The following PCDHB7 variants were observed in gnomAD, a reference collection of about 807,000 sequenced individuals.
The protein encoded by PCDHB7 is protocadherin beta-7.
For missense variants in PCDHB7, 1,148 were observed against 1,011.6 expected (o/e 1.13, Z -1.83); for synonymous variants, 542 against 463.1 (o/e 1.17, Z -2.19).
In PCDHB7 at chr5:141,173,975, G is replaced by C. The variant is rs915706989; in HGVS notation, c.1140G>C (p.Lys380Asn). 6.2e-7 allele frequency: 1 copy of C among 1,614,050 alleles called. No individual in the cohort carries two copies. The highest frequency in any genetic ancestry group is 1.1e-5 in the South Asian group (1 of 91,078). Residue 380 changes from lysine (K) to asparagine (N), a missense_variant, in exon 1 of 1, where the codon AAG (lysine) becomes AAC (asparagine). Transcript: ENST00000231137. ...IRDRDSGNNG[K>N]TVCSIQDDVP... The stretch of plus-strand genomic sequence containing the variant: ...ACAGAGATTCCGGGAACAATGGAAA[G>C]ACAGTGTGCTCCATCCAGGACGATG...
Position 141,174,810 on chromosome 5 carries a change from C to A in PCDHB7, c.1975C>A (p.His659Asn). 2 of 1,611,822 alleles carry A rather than the reference C, an allele frequency of 1.2e-6. No homozygotes were observed. Among genetic ancestry groups the A allele is most frequent in the Non-Finnish European group, 1.7e-6 (2 of 1,179,686 alleles). Residue 659 changes from histidine (H) to asparagine (N), a missense_variant, in exon 1 of 1, where the codon CAC (histidine) becomes AAC (asparagine). Coordinates refer to ENST00000231137, the MANE Select transcript of PCDHB7 (RefSeq NM_018940.4). ...TCCGCGCTCGGCCACCGCCACGCTG[C>A]ACGTGCTCCTGGTGGACGGCTTCTC... ...EPPRSATATL[H>N]VLLVDGFSQP...
At position 141,175,149 on chromosome 5, in the gene PCDHB7, C is replaced by A. The variant is rs782482240; in HGVS notation, c.2314C>A (p.Leu772Met). 1.2e-6 allele frequency: 2 copies of A among 1,614,208 alleles called. No individual in the cohort carries two copies. The highest frequency in any genetic ancestry group is 2.2e-5 in the South Asian group (2 of 91,078). ...FKFLKPIIPN[L>M]LPQSTGREVE... ...GTTTCTGAAACCAATTATCCCCAACCTGCTACCCCAGAGCACAGGCAGGGA... is the reference window on the plus strand; with the variant it reads ...GTTTCTGAAACCAATTATCCCCAACATGCTACCCCAGAGCACAGGCAGGGA... The change falls in exon 1 of 1, where the codon CTG becomes ATG. Residue 772 changes from leucine to methionine, a missense_variant. Transcript: ENST00000231137.
Position 141,175,907 on chromosome 5 carries a change from AAAT to A in PCDHB7, c.*697_*699del, listed in dbSNP as rs1285187827. ...GCTGTCCAATCTTTTCTATATTTAG[AAAT>A]AATAATGTACATATTTATCTATGGT... On this transcript the variant is annotated 3_prime_UTR_variant, in exon 1 of 1. Coordinates refer to ENST00000231137, the MANE Select transcript of PCDHB7 (RefSeq NM_018940.4). 4.2e-5 allele frequency: 7 copies of A among 167,138 alleles called. No individual in the cohort carries two copies. The highest frequency in any genetic ancestry group is 3.8e-4 in the East Asian group (2 of 5,208). 10.4% of individuals were successfully genotyped at this position (167,138 alleles called of 1,614,324 possible).
Position 141,174,056 on chromosome 5 carries a change from AC to A in PCDHB7, c.1223del (p.Pro408LeufsTer24), listed in dbSNP as rs2149652849. ...ACTTCTATACTCTGGTAACAGAGAA[AC>A]CTTTGGATCGAGAGAGGAACACTGA... ...ENFYTLVTEK[P>X]LDRERNTEYN... On this transcript the variant is annotated frameshift_variant, in exon 1 of 1. Transcript: ENST00000231137. LOFTEE classifies it low-confidence loss of function (END_TRUNC). 6.2e-7 allele frequency: 1 copy of A among 1,614,042 alleles called. No individual in the cohort carries two copies. The highest frequency in any genetic ancestry group is 2.2e-5 in the East Asian group (1 of 44,868).
At position 141,175,886 on chromosome 5, in the gene PCDHB7, T is replaced by A. The variant is rs1488245066; in HGVS notation, c.*669T>A. Reference sequence around the variant, plus strand: ...GTCTTTTATCATATTTATACTGCTGTCCAATCTTTTCTATATTTAGAAATA... The same window carrying A: ...GTCTTTTATCATATTTATACTGCTGACCAATCTTTTCTATATTTAGAAATA... On this transcript the variant is annotated 3_prime_UTR_variant, in exon 1 of 1. Coordinates refer to ENST00000231137, the MANE Select transcript of PCDHB7 (RefSeq NM_018940.4). 6.0e-6 allele frequency: 1 copy of A among 167,208 alleles called. No individual in the cohort carries two copies. The highest frequency in any genetic ancestry group is 1.9e-4 in the East Asian group (1 of 5,208). The allele number at this position is 167,208 out of a possible 1,614,324, so 10.4% of individuals were successfully genotyped here.
rs200942040 is a variant in PCDHB7, at chr5:141,174,285, G to A, written c.1450G>A (p.Ala484Thr). The change falls in exon 1 of 1, where the codon GCC (alanine) becomes ACC (threonine). Residue 484 changes from alanine to threonine, a missense_variant. Transcript: ENST00000231137. Reference sequence around the variant, plus strand: ...CACAGACAGAGACTCGGGCACCAACGCCCAGGTCATCTACTCCCTGCTGCC... The same window carrying A: ...CACAGACAGAGACTCGGGCACCAACACCCAGGTCATCTACTCCCTGCTGCC... Reference protein sequence around the residue: ...SATDRDSGTNAQVIYSLLPSQ... With the variant: ...SATDRDSGTNTQVIYSLLPSQ... 134 of 1,612,414 alleles carry A rather than the reference G, an allele frequency of 8.3e-5. No homozygotes were observed. In the East Asian group the frequency reaches 2.5e-3, roughly 30 times the overall value.
chr5:141,174,069 G>A lies in PCDHB7; in HGVS notation c.1234G>A (p.Glu412Lys). ...GGTAACAGAGAAACCTTTGGATCGA[G>A]AGAGGAACACTGAGTACAACATCAC... ...TLVTEKPLDRERNTEYNITIT... is the reference protein window; with the variant it reads ...TLVTEKPLDRKRNTEYNITIT... The change falls in exon 1 of 1, where the codon GAG becomes AAG. Residue 412 changes from glutamate (E) to lysine (K), a missense_variant. Transcript: ENST00000231137. The A allele has an allele frequency of 6.2e-7, 1 of 1,614,060 alleles. No individual in the cohort carries two copies. The highest frequency in any genetic ancestry group is 2.2e-5 in the East Asian group (1 of 44,870).
In PCDHB7 at chr5:141,175,352, A is replaced by G; in HGVS notation, c.*135A>G. On this transcript the variant is annotated 3_prime_UTR_variant, in exon 1 of 1. Transcript: ENST00000231137. ...AGTCAAGCAATAAATTTCTATACATAAAATAGGATCCTGATTTAGTATCAA... is the reference window on the plus strand; with the variant it reads ...AGTCAAGCAATAAATTTCTATACATGAAATAGGATCCTGATTTAGTATCAA... 1.0e-6 allele frequency: 1 copy of G among 1,002,022 alleles called. No homozygotes were observed. The allele number at this position is 1,002,022 out of a possible 1,614,324, so 62.1% of individuals were successfully genotyped here.
Position 141,173,394 on chromosome 5 carries a change from G to T in PCDHB7, c.559G>T (p.Glu187Ter), listed in dbSNP as rs17096946. ...CCATATTAATGTCCATGATAGCGGG[G>T]AGGGGAATATCTATCCCGAATTGGT... Reference protein sequence around the residue: ...YFHINVHDSGEGNIYPELVLN... With the variant: ...YFHINVHDSG The change falls in exon 1 of 1, where the codon GAG becomes TAG. Residue 187 changes from glutamate to a stop codon, truncating the protein, a stop_gained. Transcript: ENST00000231137. LOFTEE classifies it low-confidence loss of function (END_TRUNC). 1.2e-6 allele frequency: 2 copies of T among 1,614,050 alleles called. No homozygotes were observed. Among genetic ancestry groups the T allele is most frequent in the South Asian group, 2.2e-5 (2 of 91,078 alleles).
rs781966719 is a variant in PCDHB7 at position 141,174,280 on chromosome 5, C to T, written c.1445C>T (p.Thr482Ile). The part of the protein sequence containing the change: ...SVSATDRDSG[T>I]NAQVIYSLLP... ...AGCGCCACAGACAGAGACTCGGGCA[C>T]CAACGCCCAGGTCATCTACTCCCTG... The change falls in exon 1 of 1, where the codon ACC becomes ATC. Residue 482 changes from threonine (T) to isoleucine (I), a missense_variant. By Grantham distance (89) the Thr-to-Ile change is moderately conservative. Transcript: ENST00000231137. 2 of 1,612,516 alleles carry T rather than the reference C, an allele frequency of 1.2e-6. No individual in the cohort carries two copies. The highest frequency in any genetic ancestry group is 1.7e-6 in the Non-Finnish European group (2 of 1,179,612).
At position 141,175,443 on chromosome 5, in the gene PCDHB7, A is replaced by G. The variant is rs1753358423; in HGVS notation, c.*226A>G. The G allele has an allele frequency of 1.7e-6, 1 of 590,868 alleles. No homozygotes were observed. Among genetic ancestry groups the G allele is most frequent in the Non-Finnish European group, 2.8e-6 (1 of 351,530 alleles). 36.6% of individuals were successfully genotyped at this position (590,868 alleles called of 1,614,324 possible). On this transcript the variant is annotated 3_prime_UTR_variant, in exon 1 of 1. Coordinates refer to ENST00000231137, the MANE Select transcript of PCDHB7 (RefSeq NM_018940.4). ...TATGTCAAACAATTATGCTTAATAT[A>G]CAGTCTATTAAATGTAAGTCTTGTT...
Position 141,173,999 on chromosome 5 carries a change from T to C in PCDHB7, c.1164T>C (p.Asp388=). The C allele has an allele frequency of 6.2e-7, 1 of 1,614,128 alleles. No homozygotes were observed. The highest frequency in any genetic ancestry group is 8.5e-7 in the Non-Finnish European group (1 of 1,180,024). ...NGKTVCSIQD[D]VPFILKPSVE... The stretch of plus-strand genomic sequence containing the variant: ...AGACAGTGTGCTCCATCCAGGACGA[T>C]GTCCCCTTCATCCTGAAGCCATCTG... The change falls in exon 1 of 1, where the codon GAT becomes GAC. Residue 388 remains aspartate (D), a synonymous_variant. Transcript: ENST00000231137.
rs782509782 is a variant in PCDHB7 at position 141,173,162 on chromosome 5, A to G, written c.327A>G (p.Leu109=). The change falls in exon 1 of 1, where the codon TTA becomes TTG. Residue 109 remains leucine (L), a synonymous_variant. Transcript: ENST00000231137. ...REPCVLPFQL[L]LEKPFQIFRA... ...CCTGTGTGCTGCCTTTCCAGTTGTT[A>G]TTGGAAAAACCTTTTCAGATTTTCC... 2.5e-6 allele frequency: 4 copies of G among 1,613,858 alleles called. No individual in the cohort carries two copies. In the South Asian group the frequency reaches 3.3e-5, roughly 13 times the overall value.
In PCDHB7 at chr5:141,174,358, C is replaced by T; in HGVS notation, c.1523C>T (p.Ala508Val). 1.4e-5 allele frequency: 22 copies of T among 1,612,826 alleles called. No individual in the cohort carries two copies. The highest frequency in any genetic ancestry group is 1.9e-5 in the Non-Finnish European group (22 of 1,179,870). ...LPLASLVSIN[A>V]DNGHLFALRS... ...CTCGCCTCCCTGGTCTCCATCAACG[C>T]GGACAACGGCCACCTGTTTGCCCTC... The change falls in exon 1 of 1, where the codon GCG becomes GTG. Residue 508 changes from alanine to valine, a missense_variant. Physicochemically the swap from Ala to Val is moderately conservative, Grantham distance 64. Transcript: ENST00000231137.
rs782103978 is a variant in PCDHB7, at chr5:141,174,495, G to C, written c.1660G>C (p.Ala554Pro). ...GCTGGTGCGCGTGCTGGTGCTGGACGCCAACGACAACTCGCCCTTCGTGCT... is the reference window on the plus strand; with the variant it reads ...GCTGGTGCGCGTGCTGGTGCTGGACCCCAACGACAACTCGCCCTTCGTGCT... Reference protein sequence around the residue: ...EALVRVLVLDANDNSPFVLYP... With the variant: ...EALVRVLVLDPNDNSPFVLYP... Residue 554 changes from alanine (A) to proline (P), a missense_variant, in exon 1 of 1, where the codon GCC (alanine) becomes CCC (proline). Ala to Pro is a conservative substitution (Grantham distance 27). Transcript: ENST00000231137. The C allele has an allele frequency of 1.2e-6, 2 of 1,610,996 alleles. No individual in the cohort carries two copies. Among genetic ancestry groups the C allele is most frequent in the Non-Finnish European group, 1.7e-6 (2 of 1,179,668 alleles).
rs782496362 is a variant in PCDHB7, at chr5:141,173,460, A to G, written c.625A>G (p.Ser209Gly). 1 of 1,614,218 alleles carries G rather than the reference A, an allele frequency of 6.2e-7. No individual in the cohort carries two copies. The highest frequency in any genetic ancestry group is 8.5e-7 in the Non-Finnish European group (1 of 1,180,038). ...VLDREEIPEF[S>G]LTLTALDGGS... ...GGATCGGGAAGAGATACCAGAGTTC[A>G]GTTTAACCCTCACCGCTTTAGACGG... Residue 209 changes from serine (S) to glycine (G), a missense_variant, in exon 1 of 1, where the codon AGT (serine) becomes GGT (glycine). Physicochemically the swap from Ser to Gly is moderately conservative, Grantham distance 56 (BLOSUM62 0). Transcript: ENST00000231137.
rs782450304 is a variant in PCDHB7, at chr5:141,175,018, G to T, written c.2183G>T (p.Gly728Val). The change falls in exon 1 of 1, where the codon GGC becomes GTC. Residue 728 changes from glycine (G) to valine (V), a missense_variant. Physicochemically the swap from Gly to Val is moderately radical, Grantham distance 109. Transcript: ENST00000231137. ...APVGRCSVPE[G>V]PFPRHLVDLS... ...GTGGGTCGCTGCTCGGTGCCTGAGG[G>T]CCCCTTTCCACGACATCTGGTGGAC... The T allele has an allele frequency of 1.2e-6, 2 of 1,614,090 alleles. No individual in the cohort carries two copies. Among genetic ancestry groups the T allele is most frequent in the Admixed American group, 1.7e-5 (1 of 60,014 alleles).
At position 141,173,754 on chromosome 5, in the gene PCDHB7, T is replaced by C. The variant is rs782120664; in HGVS notation, c.919T>C (p.Leu307=). The change falls in exon 1 of 1, where the codon TTG becomes CTG. Residue 307 remains leucine (L), a synonymous_variant. Coordinates refer to ENST00000231137, the MANE Select transcript of PCDHB7 (RefSeq NM_018940.4). The part of the protein sequence containing the change: ...TSGSLHLKAQ[L]DYEAIQTYTL... The stretch of plus-strand genomic sequence containing the variant: ...TGGCAGTCTTCATCTTAAAGCGCAA[T>C]TGGACTATGAGGCAATTCAAACTTA... The C allele has an allele frequency of 8.1e-6, 13 of 1,613,870 alleles. No homozygotes were observed. Among genetic ancestry groups the C allele is most frequent in the Non-Finnish European group, 1.0e-5 (12 of 1,179,946 alleles).
chr5:141,174,588 C>G lies in PCDHB7; in HGVS notation c.1753C>G (p.Leu585Val). 3.7e-6 allele frequency: 6 copies of G among 1,610,526 alleles called. No individual in the cohort carries two copies. Among genetic ancestry groups the G allele is most frequent in the Non-Finnish European group, 5.1e-6 (6 of 1,179,634 alleles). The stretch of plus-strand genomic sequence containing the variant: ...GCCCCGGGCGGCCGAGCCGGGCTAC[C>G]TGGTGACCAAGGTGGTGGCGGTGGA... ...PLPRAAEPGY[L>V]VTKVVAVDGD... Residue 585 changes from leucine (L) to valine (V), a missense_variant, in exon 1 of 1, where the codon CTG becomes GTG. Coordinates refer to ENST00000231137, the MANE Select transcript of PCDHB7 (RefSeq NM_018940.4).
Sources: allele counts gnomAD v4.1 joint callset, GRCh38; gene constraint gnomAD v4.1.1; transcripts MANE v1.5; gene names NCBI Gene and HGNC (gene_info 2026-07-23, HGNC 2026-07-21).